Variants in TRH observed in about 807,000 individuals in gnomAD.
TRH encodes the protein thyrotropin releasing hormone.
In TRH, 5 loss-of-function variants were observed where a neutral mutation model predicts 5.2. The ratio of observed to expected loss-of-function variants is 0.95; its 90% CI spans 0.50 to 2.00. TRH has a LOEUF of 2.00. Among genes scored for constraint, TRH ranks in the 30% most tolerant of loss-of-function variants. The pLI is 0.01. For missense variants in TRH, 318 were observed against 312.8 expected (o/e 1.02, Z -0.13); for synonymous variants, 131 against 128.6 (o/e 1.02, Z -0.13).
rs773321620 is a variant in TRH at position 129,977,222 on chromosome 3, G to C, written c.*6G>C. 3 of 1,515,634 alleles carry C rather than the reference G, an allele frequency of 2.0e-6. No homozygotes were observed. The highest frequency in any genetic ancestry group is 2.7e-5 in the South Asian group (2 of 73,746). 93.9% of individuals were successfully genotyped at this position (1,515,634 alleles called of 1,614,324 possible). ...GAGAGCCCCTGGAGGAGTGAACCCA[G>C]TTTTCCCTGAAGTCGAGTTTGTGGT... On this transcript the variant is annotated 3_prime_UTR_variant, in exon 3 of 3. Transcript: ENST00000302649.
In TRH at chr3:129,975,806, C is replaced by G; in HGVS notation, c.-8-3C>G. Reference sequence around the variant, plus strand: ...CTCAGGCTCCCTCTGTCCCCTAACCCAGACGCCGCGATGCCCGGCCCTTGG... The same window carrying G: ...CTCAGGCTCCCTCTGTCCCCTAACCGAGACGCCGCGATGCCCGGCCCTTGG... On this transcript the variant is annotated splice_region_variant and splice_polypyrimidine_tract_variant and intron_variant, in intron 1 of 2. Transcript: ENST00000302649. The G allele has an allele frequency of 6.2e-7, 1 of 1,602,058 alleles. No individual in the cohort carries two copies. Among genetic ancestry groups the G allele is most frequent in the Non-Finnish European group, 8.5e-7 (1 of 1,175,906 alleles).
chr3:129,976,554 G>A (rs2108062667), intron 2 of TRH, 145 bp from the exon 3 acceptor site: 1 of 905,216 alleles, frequency 1.1e-6, no homozygotes, highest in Non-Finnish European at 1.7e-6. Context: ...GTATCTGTGA[G>A]GCCTGAGGGG....
Position 129,977,462 on chromosome 3 carries a change from G to GTTTTTTA in TRH, c.*246_*247insTTTTTTA. 1.6e-5 allele frequency: 6 copies of GTTTTTTA among 382,002 alleles called. No homozygotes were observed. Among genetic ancestry groups the GTTTTTTA allele is most frequent in the South Asian group, 9.9e-5 (1 of 10,118 alleles). 23.7% of individuals were successfully genotyped at this position (382,002 alleles called of 1,614,324 possible). A position where few individuals can be genotyped will look rare whatever the true frequency, so the allele number is the denominator to read the frequency against. On this transcript the variant is annotated 3_prime_UTR_variant, in exon 3 of 3. Transcript: ENST00000302649. ...ACTTAGCACCATAGGCAAGGGGGCA[G>GTTTTTTA]ATCCCAGAGCCCCTCTCACCCCCCC... is the stretch of plus-strand genomic sequence containing the variant.
chr3:129,976,904 G>C lies in TRH; in HGVS notation c.417G>C (p.Arg139=). 1 of 1,613,812 alleles carries C rather than the reference G, an allele frequency of 6.2e-7. No individual in the cohort carries two copies. Among genetic ancestry groups the C allele is most frequent in the Non-Finnish European group, 8.5e-7 (1 of 1,179,898 alleles). The change falls in exon 3 of 3, where the codon CGG becomes CGC. Residue 139 remains arginine, a synonymous_variant. Coordinates refer to ENST00000302649, the MANE Select transcript of TRH (RefSeq NM_007117.5). ...VTQHKRQHPG[R]RSPWLAYAVP... Reference sequence around the variant, plus strand: ...AGCACAAGCGGCAGCATCCTGGCCGGCGCTCCCCCTGGCTTGCATATGCTG... The same window carrying C: ...AGCACAAGCGGCAGCATCCTGGCCGCCGCTCCCCCTGGCTTGCATATGCTG...
intron 2 of TRH, 152 bp downstream of exon 2, chr3:129,976,179 G>A: frequency 1.1e-6 from 1 of 924,522 alleles, no homozygotes; most frequent in South Asian, 1.7e-5. Context: ...GCGGGATCTG[G>A]AGTTGACCAT....
rs1264996881 is a variant in TRH at position 129,977,044 on chromosome 3, A to G, written c.557A>G (p.Gln186Arg). ...REEDLMPEKRQHPGKRALGGP... is the reference protein window; with the variant it reads ...REEDLMPEKRRHPGKRALGGP... ...GAAGACCTGATGCCTGAAAAACGCC[A>G]GCATCCGGGCAAGAGGGCCCTGGGA... Residue 186 changes from glutamine (Q) to arginine (R), a missense_variant, in exon 3 of 3, where the codon CAG (glutamine) becomes CGG (arginine). Physicochemically the swap from Gln to Arg is conservative, Grantham distance 43. Transcript: ENST00000302649. 2 of 1,611,598 alleles carry G rather than the reference A, an allele frequency of 1.2e-6. No homozygotes were observed. The highest frequency in any genetic ancestry group is 8.5e-7 in the Non-Finnish European group (1 of 1,178,104).
intron 1 of TRH, 48 bp downstream of exon 1, chr3:129,974,871 T>A (rs2062533219): frequency 6.6e-6 from 1 of 152,492 alleles, no homozygotes; most frequent in East Asian, 1.9e-4. Flanking sequence ...CCGGGAGCAC[T>A]GGAAAGGGAG....
rs1377087995 is a variant in TRH, at chr3:129,975,993, C to G, written c.177C>G (p.Ile59Met). Residue 59 changes from isoleucine (I) to methionine (M), a missense_variant, in exon 2 of 3, where the codon ATC becomes ATG. Ile to Met is a conservative substitution (Grantham distance 10). Transcript: ENST00000302649. ...GCCTCCTCTTCCTCCGGGAAAACATCCAGCGGCTGCAAGGGGACCAGGGTG... is the reference window on the plus strand; with the variant it reads ...GCCTCCTCTTCCTCCGGGAAAACATGCAGCGGCTGCAAGGGGACCAGGGTG... The part of the protein sequence containing the change: ...VERLLFLREN[I>M]QRLQGDQGEH... The G allele has an allele frequency of 6.2e-7, 1 of 1,614,028 alleles. No homozygotes were observed. The highest frequency in any genetic ancestry group is 2.2e-5 in the East Asian group (1 of 44,888).
Position 129,976,955 on chromosome 3 carries a change from A to G in TRH, c.468A>G (p.Arg156=), listed in dbSNP as rs2108063021. Residue 156 remains arginine, a synonymous_variant, in exon 3 of 3, where the codon AGA becomes AGG. Transcript: ENST00000302649. ...YAVPKRQHPG[R]RLADPKAQRS... Reference sequence around the variant, plus strand: ...TCCCGAAGCGGCAGCACCCAGGCAGAAGGCTGGCAGATCCCAAGGCTCAAA... The same window carrying G: ...TCCCGAAGCGGCAGCACCCAGGCAGGAGGCTGGCAGATCCCAAGGCTCAAA... 3 of 1,613,120 alleles carry G rather than the reference A, an allele frequency of 1.9e-6. No homozygotes were observed. In the South Asian group the frequency reaches 3.3e-5, roughly 18 times the overall value.
In TRH at chr3:129,976,690, C is replaced by G. The variant is rs757575199; in HGVS notation, c.212-9C>G. The G allele has an allele frequency of 6.2e-7, 1 of 1,607,552 alleles. No individual in the cohort carries two copies. The highest frequency in any genetic ancestry group is 1.1e-5 in the South Asian group (1 of 90,362). ...CAGGGGCCCCTCACTGACCTCTTTC[C>G]TTCCCCAGCGTCCCAGATCTTTCAA... On this transcript the variant is annotated splice_polypyrimidine_tract_variant and intron_variant, in intron 2 of 2. Transcript: ENST00000302649.
intron 2 of TRH, 130 bp downstream of exon 2, chr3:129,976,157 G>C: frequency 1.8e-6 from 2 of 1,131,432 alleles, no homozygotes; most frequent in South Asian, 3.2e-5. Context: ...AACCCTCCCT[G>C]GCTGCGCCTA....
rs935139196 is a variant in TRH at position 129,977,238 on chromosome 3, A to G, written c.*22A>G. ...GTGAACCCAGTTTTCCCTGAAGTCG[A>G]GTTTGTGGTCTAAGGATGTCTTGAG... On this transcript the variant is annotated 3_prime_UTR_variant, in exon 3 of 3. Transcript: ENST00000302649. 1.3e-6 allele frequency: 2 copies of G among 1,514,126 alleles called. No homozygotes were observed. Among genetic ancestry groups the G allele is most frequent in the Middle Eastern group, 4.0e-4 (2 of 4,946 alleles). 93.8% of individuals were successfully genotyped at this position (1,514,126 alleles called of 1,614,324 possible).
rs748832425 is a variant in TRH at position 129,977,006 on chromosome 3, G to A, written c.519G>A (p.Glu173=). 1.2e-6 allele frequency: 2 copies of A among 1,613,834 alleles called. No homozygotes were observed. Among genetic ancestry groups the A allele is most frequent in the Admixed American group, 3.3e-5 (2 of 60,020 alleles). ...GGAGCTGGGAAGAAGAGGAGGAGGA[G>A]GAAGAGAGAGAGGAAGACCTGATGC... The part of the protein sequence containing the change: ...AQRSWEEEEE[E]EEREEDLMPE... The change falls in exon 3 of 3, where the codon GAG becomes GAA. Residue 173 remains glutamate (E), a synonymous_variant. Transcript: ENST00000302649.
At position 129,975,877 on chromosome 3, in the gene TRH, G is replaced by T. The variant is rs375227965; in HGVS notation, c.61G>T (p.Gly21Cys). 2.5e-6 allele frequency: 4 copies of T among 1,612,684 alleles called. No homozygotes were observed. The African/African-American group carries it at 4.0e-5, about 16-fold the overall frequency. Residue 21 changes from glycine to cysteine, a missense_variant, in exon 2 of 3, where the codon GGC (glycine) becomes TGC (cysteine). Transcript: ENST00000302649. Reference sequence around the variant, plus strand: ...GACCCTGAACCTGACCGGTGTCCCCGGCGGCCGTGCTCAGCCAGAGGCGGC... The same window carrying T: ...GACCCTGAACCTGACCGGTGTCCCCTGCGGCCGTGCTCAGCCAGAGGCGGC... The part of the protein sequence containing the change: ...ALTLNLTGVP[G>C]GRAQPEAAQQ...
chr3:129,977,059 G>A lies in TRH; in HGVS notation c.572G>A (p.Arg191Lys). The A allele has an allele frequency of 6.2e-7, 1 of 1,609,678 alleles. No homozygotes were observed. The highest frequency in any genetic ancestry group is 8.5e-7 in the Non-Finnish European group (1 of 1,177,096). Residue 191 changes from arginine to lysine, a missense_variant, in exon 3 of 3, where the codon AGG becomes AAG. Transcript: ENST00000302649. ...GAAAAACGCCAGCATCCGGGCAAGAGGGCCCTGGGAGGCCCCTGTGGGCCC... is the reference window on the plus strand; with the variant it reads ...GAAAAACGCCAGCATCCGGGCAAGAAGGCCCTGGGAGGCCCCTGTGGGCCC... ...MPEKRQHPGK[R>K]ALGGPCGPQG...
intron 1 of TRH, 126 bp from the exon 2 acceptor site, chr3:129,975,683 G>C: frequency 9.6e-7 from 1 of 1,037,218 alleles, no homozygotes; most frequent in Non-Finnish European, 1.4e-6. Context: ...TGCACGAGGG[G>C]CAGTGGTCCT....
intron 2 of TRH, among the ~76,000 whole-genome samples, chr3:129,976,429 A>G (rs543767408): frequency 6.6e-6 from 1 of 152,238 alleles, no homozygotes; most frequent in Non-Finnish European, 1.5e-5. Context: ...TTTTACACAG[A>G]AGAAAACTGA....
chr3:129,976,761 G>C lies in TRH; in HGVS notation c.274G>C (p.Glu92Gln). The change falls in exon 3 of 3, where the codon GAG becomes CAG. Residue 92 changes from glutamate to glutamine, a missense_variant. By Grantham distance (29) the Glu-to-Gln change is conservative. Transcript: ENST00000302649. Reference sequence around the variant, plus strand: ...TCAGCATCCAGGCAAAAGAGAGGAGGAGGAGGAAGAGGGAGTTGAAGAAGA... The same window carrying C: ...TCAGCATCCAGGCAAAAGAGAGGAGCAGGAGGAAGAGGGAGTTGAAGAAGA... Reference protein sequence around the residue: ...KRQHPGKREEEEEEGVEEEEE... With the variant: ...KRQHPGKREEQEEEGVEEEEE... 1.2e-6 allele frequency: 2 copies of C among 1,614,082 alleles called. No individual in the cohort carries two copies. The highest frequency in any genetic ancestry group is 8.5e-7 in the Non-Finnish European group (1 of 1,180,016).
At position 129,977,860 on chromosome 3, in the gene TRH, T is replaced by C. The variant is rs1233834385; in HGVS notation, c.*644T>C. The C allele has an allele frequency of 6.6e-6, 1 of 152,358 alleles. No homozygotes were observed. Among genetic ancestry groups the C allele is most frequent in the African/African-American group, 2.4e-5 (1 of 41,458 alleles). 9.4% of individuals were successfully genotyped at this position (152,358 alleles called of 1,614,324 possible). On this transcript the variant is annotated 3_prime_UTR_variant, in exon 3 of 3. Coordinates refer to ENST00000302649, the MANE Select transcript of TRH (RefSeq NM_007117.5). The stretch of plus-strand genomic sequence containing the variant: ...GAAACATCGCCTAGGAATTGTGGTT[T>C]GTATATAACCCTCTAAGCCCCTATC...
Sources: gnomAD v4.1 joint callset for allele counts (sites outside exome capture counted in the v4.1 genomes callset) on GRCh38, gnomAD v4.1.1 for gene constraint, MANE v1.5 for transcripts, NCBI Gene and HGNC (gene_info 2026-07-23, HGNC 2026-07-21) for gene names.